Variants in HPSE2 observed in about 807,000 individuals in gnomAD.
HPSE2 encodes heparanase 2 (inactive), also known as inactive heparanase-2.
A neutral mutation model predicts 60.5 loss-of-function variants in HPSE2; 38 were observed. The ratio of observed to expected loss-of-function variants is 0.63; its 90% confidence interval spans 0.48 to 0.82. HPSE2 has a LOEUF of 0.82. HPSE2 is among the 40% of genes least tolerant of loss of function. HPSE2 has a pLI of 0.00. For synonymous variants in HPSE2, 295 were observed against 293.2 expected (o/e 1.01, Z -0.06); for missense variants, 713 against 740.4 (o/e 0.96, Z 0.43).
At chr10:99,175,794 A>T (rs1847502469) in intron 2 of HPSE2, among the ~76,000 whole-genome samples, 1 of 152,200 alleles carries the variant, frequency 6.6e-6, no homozygotes, top group Non-Finnish European at 1.5e-5. Flanking sequence ...TGCCTCCTCA[A>T]GTGGGTCCCT....
intron 3 of HPSE2, among the ~76,000 whole-genome samples, chr10:98,841,909 C>A (rs1408909856): frequency 1.3e-5 from 2 of 151,876 alleles, no homozygotes; most frequent in African/African-American, 4.8e-5. Flanking sequence ...CGGGTTCAAG[C>A]AATTCTCCTG....
intron 3 of HPSE2, among the ~76,000 whole-genome samples, chr10:98,901,980 C>T (rs757336616): frequency 6.6e-6 from 1 of 152,166 alleles, no homozygotes; most frequent in Non-Finnish European, 1.5e-5. Flanking sequence ...ACCTTAGTCT[C>T]TAAGACTTTA....
At chr10:99,256,002 C>A in the HPSE2 span, among the ~76,000 whole-genome samples, 3 of 152,096 alleles carry the variant, frequency 2.0e-5, no homozygotes, top group Admixed American at 6.5e-5. Flanking sequence ...CACATCTTCT[C>A]ATGACTGGCA....
chr10:98,936,973 C>T (rs139981337), intron 3 of HPSE2, among the ~76,000 whole-genome samples: 6,253 of 76,398 alleles, frequency 0.082, 947 homozygotes, highest in African/African-American at 0.27. Context: ...TAGGAGACTC[C>T]ATCTCAAAAA....
chr10:98,483,497 G>A (rs192288169), intron 10 of HPSE2, among the ~76,000 whole-genome samples: 61 of 152,282 alleles, frequency 4.0e-4, no homozygotes, highest in Non-Finnish European at 7.5e-4. Flanking sequence ...AGTCCTAGAC[G>A]TTGGAATCAT....
intron 3 of HPSE2, among the ~76,000 whole-genome samples, chr10:98,887,895 G>A (rs1190148637): frequency 6.8e-6 from 1 of 146,366 alleles, no homozygotes; most frequent in Admixed American, 6.9e-5. Flanking sequence ...AGGTACAGTT[G>A]TATACAGTAC....
chr10:98,793,722 T>A (rs1355672657), intron 3 of HPSE2, among the ~76,000 whole-genome samples: 1 of 152,208 alleles, frequency 6.6e-6, no homozygotes, highest in East Asian at 1.9e-4. Flanking sequence ...TGCTGTGAGA[T>A]GAGGTGTTAA....
At chr10:98,499,838 C>T (rs1393761690) in intron 9 of HPSE2, among the ~76,000 whole-genome samples, 1 of 152,144 alleles carries the variant, frequency 6.6e-6, no homozygotes, top group Non-Finnish European at 1.5e-5. Flanking sequence ...GCATTTCATG[C>T]AAATGGACAC....
At chr10:98,904,278 A>G (rs976579512) in intron 3 of HPSE2, among the ~76,000 whole-genome samples, 4 of 152,160 alleles carry the variant, frequency 2.6e-5, no homozygotes, top group Non-Finnish European at 4.4e-5. Flanking sequence ...TTTGGGGGAA[A>G]AAAAGGAAAC....
At chr10:98,596,011 T>G (rs527458256) in intron 9 of HPSE2, among the ~76,000 whole-genome samples, 7 of 152,378 alleles carry the variant, frequency 4.6e-5, no homozygotes, top group African/African-American at 1.7e-4. Context: ...CTTTATAGAT[T>G]TATGCATGTT....
At chr10:99,135,926 C>T (rs1347310256) in intron 3 of HPSE2, among the ~76,000 whole-genome samples, 2 of 151,810 alleles carry the variant, frequency 1.3e-5, no homozygotes, top group Admixed American at 1.3e-4. Flanking sequence ...ATGAAAAACC[C>T]TTCAAAAAAT....
At chr10:98,697,762 G>C (rs1447816432) in intron 5 of HPSE2, among the ~76,000 whole-genome samples, 1 of 152,106 alleles carries the variant, frequency 6.6e-6, no homozygotes. Flanking sequence ...CAGAGAGAAA[G>C]GCCAGGTCAC....
Position 98,907,858 on chromosome 10 carries a change from A to C in HPSE2, c.611-163802T>G, listed in dbSNP as rs531973365. Among the ~76,000 whole-genome samples the C allele has an allele frequency of 6.8e-4, 104 of 152,332 alleles. No individual in the cohort carries two copies. In the Middle Eastern group the frequency reaches 0.01, roughly 15 times the overall value. On this transcript the variant is annotated intron_variant, in intron 3 of 11. Transcript: ENST00000370552. ...GCATATGGTAGATATTCAACAAACTATAATTTCCTTTCACTTCCTGTATCC... is the reference window on the plus strand; with the variant it reads ...GCATATGGTAGATATTCAACAAACTCTAATTTCCTTTCACTTCCTGTATCC...
chr10:98,846,051 T>C (rs986249978), intron 3 of HPSE2, among the ~76,000 whole-genome samples: 1 of 152,220 alleles, frequency 6.6e-6, no homozygotes, highest in Admixed American at 6.5e-5. Context: ...CTTTACAGAT[T>C]CTCTTTACAG....
chr10:98,560,477 G>A (rs562868279), intron 9 of HPSE2, among the ~76,000 whole-genome samples: 31 of 152,330 alleles, frequency 2.0e-4, no homozygotes, highest in Non-Finnish European at 4.0e-4. Flanking sequence ...CTCCCTTGGG[G>A]ATCTCCTGAT....
intron 2 of HPSE2, among the ~76,000 whole-genome samples, chr10:99,190,543 T>C (rs1221286868): frequency 6.6e-6 from 1 of 152,178 alleles, no homozygotes; most frequent in Non-Finnish European, 1.5e-5. Context: ...TGACTCTAAA[T>C]CCAGCATCCT....
chr10:98,807,985 C>T (rs1951080978), intron 3 of HPSE2, among the ~76,000 whole-genome samples: 1 of 152,088 alleles, frequency 6.6e-6, no homozygotes, highest in Non-Finnish European at 1.5e-5. Flanking sequence ...TATGTCTGTC[C>T]TCTCTGATAA....
intron 3 of HPSE2, among the ~76,000 whole-genome samples, chr10:99,031,464 T>C (rs918053861): frequency 6.6e-6 from 1 of 152,156 alleles, no homozygotes; most frequent in East Asian, 1.9e-4. Flanking sequence ...CTCAAGGAGT[T>C]AGTGAATACT....
intron 3 of HPSE2, among the ~76,000 whole-genome samples, chr10:98,917,446 A>C (rs1417104143): frequency 6.6e-6 from 1 of 152,202 alleles, no homozygotes; most frequent in African/African-American, 2.4e-5. Context: ...AGTGGGTGGA[A>C]ATGATTCTGA....
Sources: allele counts gnomAD v4.1 joint callset (sites outside exome capture counted in the v4.1 genomes callset), GRCh38; gene constraint gnomAD v4.1.1; transcripts MANE v1.5; gene names NCBI Gene and HGNC (gene_info 2026-07-23, HGNC 2026-07-21).